SIPA1L3: variants seen among roughly 807,000 people sequenced by gnomAD.
The protein encoded by SIPA1L3 is signal induced proliferation associated 1 like 3, also known as signal-induced proliferation-associated 1-like protein 3.
SIPA1L3 carries 59 observed loss-of-function variants against 150.1 expected under a neutral mutation model. The observed-to-expected ratio is 0.39, with a 90% confidence interval of 0.32 to 0.49. SIPA1L3 has a LOEUF of 0.49. Among genes scored for constraint, SIPA1L3 ranks in the 20% least tolerant of loss-of-function variants. SIPA1L3 has a pLI of 0.86. For synonymous variants in SIPA1L3, 1,070 were observed against 1,077.6 expected (o/e 0.99, Z 0.14); for missense variants, 2,211 against 2,489.5 (o/e 0.89, Z 2.38).
At chr19:38,191,071 G>A (rs1056561924) in intron 16 of SIPA1L3, among the ~76,000 whole-genome samples, 1 of 152,172 alleles carries the variant, frequency 6.6e-6, no homozygotes, top group Admixed American at 6.6e-5. Context: ...CATGAGATGG[G>A]ATACCAATAG....
intron 17 of SIPA1L3, 70 bp from the exon 18 acceptor site, chr19:38,193,467 A>G: frequency 7.2e-7 from 1 of 1,395,004 alleles, no homozygotes; most frequent in Non-Finnish European, 9.3e-7. Context: ...CTAGAGGGGA[A>G]GATGCCTCTG....
At chr19:38,183,283 G>C (rs1001600319) in intron 16 of SIPA1L3, among the ~76,000 whole-genome samples, 13 of 152,060 alleles carry the variant, frequency 8.5e-5, no homozygotes, top group African/African-American at 3.1e-4. Context: ...CTGTGGCTGC[G>C]TGTGGGGAAC....
At chr19:37,918,875 TAAA>T (rs1173284235) in intron 1 of SIPA1L3, among the ~76,000 whole-genome samples, 4 of 119,184 alleles carry the variant, frequency 3.4e-5, no homozygotes, top group Non-Finnish European at 5.1e-5. Flanking sequence ...GGTCTCAAAA[TAAA>T]TAAATAAATA....
chr19:38,069,120 G>C (rs1969659256), intron 2 of SIPA1L3, among the ~76,000 whole-genome samples: 1 of 152,146 alleles, frequency 6.6e-6, no homozygotes. Flanking sequence ...AAGATGCTCA[G>C]AGGCTTAAAA....
chr19:38,103,461 T>G (rs988832195), intron 6 of SIPA1L3, among the ~76,000 whole-genome samples: 1 of 151,908 alleles, frequency 6.6e-6, no homozygotes, highest in African/African-American at 2.4e-5. Flanking sequence ...ACCCCGTCTC[T>G]ACTAAAAATA....
At chr19:38,028,481 C>T (rs974895882) in intron 1 of SIPA1L3, among the ~76,000 whole-genome samples, 1 of 152,246 alleles carries the variant, frequency 6.6e-6, no homozygotes, top group Admixed American at 6.5e-5. Context: ...GGGAGGCCTT[C>T]CCCGAGCTCT....
At chr19:38,100,993 C>G in intron 5 of SIPA1L3, 59 bp from the exon 6 acceptor site, 7 of 1,490,956 alleles carry the variant, frequency 4.7e-6, no homozygotes, top group Non-Finnish European at 6.2e-6. Flanking sequence ...ACCCCTTGCT[C>G]CCTTCCCTCT....
chr19:38,159,661 C>T (rs961855097), intron 13 of SIPA1L3, among the ~76,000 whole-genome samples: 1 of 152,252 alleles, frequency 6.6e-6, no homozygotes, highest in African/African-American at 2.4e-5. Context: ...AGCCACACGT[C>T]CTGCCTGGCC....
At chr19:38,191,847 G>T (rs1166746227) in intron 16 of SIPA1L3, among the ~76,000 whole-genome samples, 1 of 152,166 alleles carries the variant, frequency 6.6e-6, no homozygotes, top group Non-Finnish European at 1.5e-5. Flanking sequence ...CACACAGGGG[G>T]TCTGTCTCTG....
intron 2 of SIPA1L3, 40 bp from the exon 3 acceptor site, chr19:38,081,216 C>T (rs1032337423): frequency 3.7e-5 from 15 of 406,320 alleles, no homozygotes; most frequent in African/African-American, 8.2e-5. Flanking sequence ...AGCAGTAACA[C>T]GGCCATCGCA....
At chr19:37,985,180 TA>T (rs1209645765) in intron 1 of SIPA1L3, among the ~76,000 whole-genome samples, 1 of 151,740 alleles carries the variant, frequency 6.6e-6, no homozygotes. Context: ...TTCTATCTCT[TA>T]AAAAAATTGT....
chr19:38,141,078 AAAAAG>A lies in SIPA1L3; in HGVS notation c.3144-105_3144-101del. The A allele has an allele frequency of 3.8e-6, 4 of 1,051,730 alleles. No homozygotes were observed. The South Asian group carries it at 5.5e-5, about 14-fold the overall frequency. The allele number at this position is 1,051,730 out of a possible 1,614,324, so 65.1% of individuals were successfully genotyped here. On this transcript the variant is annotated intron_variant, in intron 10 of 21. Coordinates refer to ENST00000222345, the MANE Select transcript of SIPA1L3 (RefSeq NM_015073.3). The stretch of plus-strand genomic sequence containing the variant: ...GTCTCAAAAAAAAAAAAAAAAAAAA[AAAAAG>A]CCATCCCGGTTTATATTGGGCCAGG...
chr19:37,953,292 C>A (rs956512273), intron 1 of SIPA1L3, among the ~76,000 whole-genome samples: 1 of 152,138 alleles, frequency 6.6e-6, no homozygotes, highest in Non-Finnish European at 1.5e-5. Flanking sequence ...GCACACTGGC[C>A]GCTAAACCTG....
intron 15 of SIPA1L3, among the ~76,000 whole-genome samples, chr19:38,176,521 C>G (rs1268836397): frequency 6.6e-6 from 1 of 152,048 alleles, no homozygotes; most frequent in Non-Finnish European, 1.5e-5. Flanking sequence ...CTCAGCGTCC[C>G]AAGTAGCTGG....
intron 16 of SIPA1L3, 38 bp downstream of exon 16, chr19:38,182,778 C>A (rs759445149): frequency 3.9e-6 from 6 of 1,523,712 alleles, no homozygotes; most frequent in East Asian, 4.5e-5. Context: ...CCCGCCAGAT[C>A]CACACCAGGG....
At chr19:37,912,251 T>C (rs2046383083) in intron 1 of SIPA1L3, among the ~76,000 whole-genome samples, 1 of 146,964 alleles carries the variant, frequency 6.8e-6, no homozygotes, top group African/African-American at 2.6e-5. Context: ...AAAAAAAAAG[T>C]ATAAAAAGTA....
chr19:38,072,816 T>G (rs937814362), intron 2 of SIPA1L3, among the ~76,000 whole-genome samples: 3 of 152,238 alleles, frequency 2.0e-5, no homozygotes, highest in Non-Finnish European at 1.5e-5. Context: ...GCTCTTGTGT[T>G]TCCCTATGCT....
intron 19 of SIPA1L3, chr19:38,200,073 T>A (rs1973050804): frequency 6.6e-6 from 1 of 151,890 alleles, no homozygotes; most frequent in South Asian, 2.1e-4. Flanking sequence ...TACAAAAAAA[T>A]TTATTTTACT....
rs1329457146 is a variant in SIPA1L3 at position 38,171,984 on chromosome 19, C to A, written c.4208+7078C>A. On this transcript the variant is annotated intron_variant, in intron 15 of 21. Coordinates refer to ENST00000222345, the MANE Select transcript of SIPA1L3 (RefSeq NM_015073.3). ...GCCAGAACATTCAGGGCCCTACCAG[C>A]TCCATTATGGAGTTTGGATCTCATC... is the stretch of plus-strand genomic sequence containing the variant. 1.1e-4 allele frequency among the ~76,000 whole-genome samples: 16 copies of A among 152,088 alleles called. 1 individual carries two copies. Among genetic ancestry groups the A allele is most frequent in the Admixed American group, 9.8e-4 (15 of 15,264 alleles).
Sources: allele counts gnomAD v4.1 joint callset (sites outside exome capture counted in the v4.1 genomes callset), GRCh38; gene constraint gnomAD v4.1.1; transcripts MANE v1.5; gene names NCBI Gene and HGNC (gene_info 2026-07-23, HGNC 2026-07-21).